Variants in FOXP2 observed in about 807,000 individuals in gnomAD.
FOXP2 encodes the protein forkhead box protein P2.
Under a neutral mutation model 115.8 loss-of-function variants are expected in FOXP2, and 12 were observed. The ratio of observed to expected loss-of-function variants is 0.10; its 90% CI spans 0.07 to 0.17. FOXP2 has a LOEUF of 0.17. Ranked by LOEUF, FOXP2 falls within the 10% of genes least tolerant of loss-of-function variation. The pLI is 1.00. For missense variants in FOXP2, 629 were observed against 843.5 expected (o/e 0.75, Z 3.15); for synonymous variants, 328 against 297.7 (o/e 1.10, Z -1.05).
intron 16 of FOXP2, among the ~76,000 whole-genome samples, chr7:114,680,542 G>A (rs1808030290): frequency 6.6e-6 from 1 of 152,124 alleles, no homozygotes; most frequent in Non-Finnish European, 1.5e-5. Flanking sequence ...AATAATACAA[G>A]TACTTGGCAT....
chr7:114,693,672 CTG>C lies in FOXP2; in HGVS notation c.*3747_*3748del. On this transcript the variant is annotated 3_prime_UTR_variant, in exon 17 of 17. Transcript: ENST00000350908. ...GAATTAATGTATGAACAGTGTGTCA[CTG>C]CTGTTGGATGTAAAAATGTATATGA... 2.6e-6 allele frequency: 1 copy of C among 392,014 alleles called. No individual in the cohort carries two copies. The highest frequency in any genetic ancestry group is 5.1e-6 in the Non-Finnish European group (1 of 197,556). The allele number at this position is 392,014 out of a possible 1,614,324, so 24.3% of individuals were successfully genotyped here.
chr7:114,333,712 C>A (rs1323840562), intron 2 of FOXP2, among the ~76,000 whole-genome samples: 1 of 151,980 alleles, frequency 6.6e-6, no homozygotes, highest in Non-Finnish European at 1.5e-5. Context: ...CATGGTGAAA[C>A]CCCCGTCTCT....
At chr7:114,585,498 G>A (rs976145702) in intron 3 of FOXP2, among the ~76,000 whole-genome samples, 2 of 151,478 alleles carry the variant, frequency 1.3e-5, no homozygotes, top group Non-Finnish European at 2.9e-5. Flanking sequence ...ATTACAGTCT[G>A]CATTTTAACA....
At chr7:114,114,889 A>G (rs960295761) in intron 1 of FOXP2, among the ~76,000 whole-genome samples, 1 of 152,316 alleles carries the variant, frequency 6.6e-6, no homozygotes, top group African/African-American at 2.4e-5. Context: ...GACTGAAATC[A>G]TGGAAGAAGA....
At chr7:114,255,212 C>A (rs1795575855) in intron 1 of FOXP2, among the ~76,000 whole-genome samples, 3 of 152,068 alleles carry the variant, frequency 2.0e-5, no homozygotes, top group African/African-American at 7.2e-5. Context: ...ACTGGCGATG[C>A]CTCCCAGTTA....
intron 3 of FOXP2, among the ~76,000 whole-genome samples, chr7:114,540,143 A>G (rs1024900759): frequency 3.3e-5 from 5 of 151,992 alleles, no homozygotes; most frequent in African/African-American, 1.2e-4. Context: ...ATTTGTTACT[A>G]TTACCAGCTA....
At chr7:114,132,045 CA>C (rs1370395918) in intron 1 of FOXP2, among the ~76,000 whole-genome samples, 3 of 151,668 alleles carry the variant, frequency 2.0e-5, no homozygotes, top group Non-Finnish European at 4.4e-5. Flanking sequence ...CTTGGAAAAG[CA>C]AAAAAACGCT....
At chr7:114,526,935 C>G (rs2129272987) in intron 2 of FOXP2, among the ~76,000 whole-genome samples, 1 of 151,702 alleles carries the variant, frequency 6.6e-6, no homozygotes, top group Middle Eastern at 3.5e-3. Flanking sequence ...ACCCCATTCT[C>G]ATTAGCAGTC....
chr7:114,141,814 C>G (rs1053273064), intron 1 of FOXP2, among the ~76,000 whole-genome samples: 1 of 152,100 alleles, frequency 6.6e-6, no homozygotes, highest in Non-Finnish European at 1.5e-5. Context: ...CCATGGGCTA[C>G]AGGTATAAAA....
chr7:114,264,566 A>G (rs192530075), intron 1 of FOXP2, among the ~76,000 whole-genome samples: 1 of 152,306 alleles, frequency 6.6e-6, no homozygotes, highest in Admixed American at 6.5e-5. Flanking sequence ...TTGTTTACAC[A>G]TATTACCTGT....
intron 2 of FOXP2, among the ~76,000 whole-genome samples, chr7:114,497,956 A>T (rs1797396668): frequency 6.6e-6 from 1 of 152,136 alleles, no homozygotes; most frequent in Non-Finnish European, 1.5e-5. Context: ...ATACAAGCCT[A>T]CAGAAACTGA....
At chr7:114,316,068 A>T (rs1430972435) in intron 2 of FOXP2, among the ~76,000 whole-genome samples, 1 of 152,184 alleles carries the variant, frequency 6.6e-6, no homozygotes, top group Non-Finnish European at 1.5e-5. Context: ...TGTGAAAAAG[A>T]CATTTGTTTA....
chr7:114,359,464 T>C (rs1486637749), intron 2 of FOXP2, among the ~76,000 whole-genome samples: 1 of 152,144 alleles, frequency 6.6e-6, no homozygotes, highest in African/African-American at 2.4e-5. Context: ...GCCACCATCC[T>C]CCAGAATCCA....
chr7:114,557,352 T>C (rs1301128343), intron 3 of FOXP2, among the ~76,000 whole-genome samples: 2 of 152,238 alleles, frequency 1.3e-5, no homozygotes, highest in Non-Finnish European at 2.9e-5. Flanking sequence ...ATCTGTACTA[T>C]GTCTCTTAAT....
At chr7:114,460,547 A>T (rs17312239) in intron 2 of FOXP2, among the ~76,000 whole-genome samples, 2,845 of 152,342 alleles carry the variant, frequency 0.019, 26 homozygotes, top group Non-Finnish European at 0.03. Context: ...ACAGGGATTC[A>T]TGTCACAGGT....
chr7:114,482,658 AAC>A (rs1167939242), intron 2 of FOXP2, among the ~76,000 whole-genome samples: 1 of 151,586 alleles, frequency 6.6e-6, no homozygotes, highest in Non-Finnish European at 1.5e-5. Context: ...CTATGCAATG[AAC>A]ACATGTAGAT....
chr7:114,116,090 A>G (rs1161559549), intron 1 of FOXP2, among the ~76,000 whole-genome samples: 2 of 152,196 alleles, frequency 1.3e-5, no homozygotes, highest in South Asian at 2.1e-4. Flanking sequence ...AAATTTTAAA[A>G]TAGACAGAGT....
upstream of FOXP2, among the ~76,000 whole-genome samples, chr7:114,086,835 CTTG>C (rs1488153055): frequency 2.6e-5 from 4 of 152,008 alleles, no homozygotes; most frequent in Non-Finnish European, 4.4e-5. Context: ...AGCATCACCA[CTTG>C]TTGTTCTCTT....
intron 1 of FOXP2, among the ~76,000 whole-genome samples, chr7:114,175,315 G>A (rs934205356): frequency 6.6e-6 from 1 of 152,078 alleles, no homozygotes; most frequent in African/African-American, 2.4e-5. Context: ...TTTCTAGAAT[G>A]AGTAATTCTT....
Sources: allele counts gnomAD v4.1 joint callset (sites outside exome capture counted in the v4.1 genomes callset), GRCh38; gene constraint gnomAD v4.1.1; transcripts MANE v1.5; gene names NCBI Gene and HGNC (gene_info 2026-07-23, HGNC 2026-07-21).